TTC29: variants seen among roughly 807,000 people sequenced by gnomAD.
TTC29 encodes tetratricopeptide repeat domain 29.
TTC29 carries 49 observed loss-of-function variants against 58.1 expected under a neutral mutation model. The observed-to-expected ratio is 0.84, with a 90% CI of 0.67 to 1.07. The LOEUF (loss-of-function observed/expected upper bound fraction) is 1.07, where lower values mean the gene tolerates loss of function less well. Among genes scored for constraint, TTC29 ranks in the 50% least tolerant of loss-of-function variants. The probability of loss-of-function intolerance (pLI) is 0.00; values close to 1 mark genes in which losing one functional copy is unlikely to be tolerated. For missense variants in TTC29, 582 were observed against 555.6 expected, an observed-to-expected ratio of 1.05 and a Z score of -0.48; for synonymous variants, 209 against 196.8, an observed-to-expected ratio of 1.06 and a Z score of -0.52.
intron 5 of TTC29, among the ~76,000 whole-genome samples, chr4:146,904,829 G>T (rs1017038131): frequency 6.6e-6 from 1 of 152,174 alleles, no homozygotes; most frequent in African/African-American, 2.4e-5. Flanking sequence ...AAAACCAAAA[G>T]TCAGAAAAAA....
chr4:146,847,162 T>C (rs1331552697), intron 8 of TTC29, among the ~76,000 whole-genome samples: 1 of 152,212 alleles, frequency 6.6e-6, no homozygotes, highest in Non-Finnish European at 1.5e-5. Context: ...GGAAATGCGA[T>C]GCCTGCCAAG....
At chr4:146,765,482 C>T (rs373007888) in intron 11 of TTC29, among the ~76,000 whole-genome samples, 12 of 152,164 alleles carry the variant, frequency 7.9e-5, no homozygotes, top group Non-Finnish European at 1.3e-4. Context: ...ATTACAGGCA[C>T]GAGCCAACGC....
At chr4:146,858,382 G>T (rs1730007413) in intron 8 of TTC29, among the ~76,000 whole-genome samples, 1 of 152,056 alleles carries the variant, frequency 6.6e-6, no homozygotes, top group Admixed American at 6.6e-5. Flanking sequence ...TCACATATTT[G>T]GCCACTTATA....
chr4:146,941,405 C>G (rs1359156775), intron 2 of TTC29, among the ~76,000 whole-genome samples: 1 of 152,188 alleles, frequency 6.6e-6, no homozygotes, highest in African/African-American at 2.4e-5. Flanking sequence ...AGGCACTGTT[C>G]TAGGTGCCAA....
At chr4:146,822,139 A>T (rs1166955882) in intron 9 of TTC29, among the ~76,000 whole-genome samples, 2 of 148,566 alleles carry the variant, frequency 1.3e-5, no homozygotes, top group Non-Finnish European at 1.5e-5. Flanking sequence ...AAAAAAAGGG[A>T]TACATGTGTA....
intron 11 of TTC29, among the ~76,000 whole-genome samples, chr4:146,724,990 CTGGAGTATATA>C (rs1371162029): frequency 6.6e-6 from 1 of 152,078 alleles, no homozygotes; most frequent in Admixed American, 6.5e-5. Flanking sequence ...GTCAGTGTAA[CTGGAGTATATA>C]TGGGCATAGA....
chr4:146,882,719 G>A (rs746952270), intron 6 of TTC29, among the ~76,000 whole-genome samples: 11 of 152,170 alleles, frequency 7.2e-5, no homozygotes, highest in Non-Finnish European at 1.0e-4. Context: ...CATCTATGCC[G>A]AAGTATCAGT....
chr4:146,779,686 T>C (rs1748440449), intron 11 of TTC29, among the ~76,000 whole-genome samples: 1 of 152,158 alleles, frequency 6.6e-6, no homozygotes, highest in Admixed American at 6.6e-5. Flanking sequence ...TCTGGCTGAG[T>C]CTGGGCACCA....
At chr4:146,881,620 C>T (rs1389991740) in intron 6 of TTC29, among the ~76,000 whole-genome samples, 1 of 152,040 alleles carries the variant, frequency 6.6e-6, no homozygotes, top group Non-Finnish European at 1.5e-5. Flanking sequence ...TCCATTTTGG[C>T]TTAACTGCAT....
chr4:146,919,488 A>G (rs1404218710), intron 4 of TTC29, among the ~76,000 whole-genome samples: 1 of 151,038 alleles, frequency 6.6e-6, no homozygotes. Flanking sequence ...AGGACTACAA[A>G]GAGTGGACTA....
chr4:146,874,465 T>C (rs1055370650), intron 7 of TTC29, among the ~76,000 whole-genome samples: 1 of 152,174 alleles, frequency 6.6e-6, no homozygotes, highest in Non-Finnish European at 1.5e-5. Flanking sequence ...TTTAGGTTCT[T>C]TGTTTTACAA....
intron 8 of TTC29, among the ~76,000 whole-genome samples, chr4:146,864,642 G>A (rs1368759772): frequency 6.6e-6 from 1 of 152,152 alleles, no homozygotes; most frequent in Non-Finnish European, 1.5e-5. Flanking sequence ...GGCTGTAGGA[G>A]AGGATCCTTC....
chr4:146,868,287 G>T (rs1730697680), intron 7 of TTC29, among the ~76,000 whole-genome samples: 1 of 151,972 alleles, frequency 6.6e-6, no homozygotes, highest in Admixed American at 6.6e-5. Flanking sequence ...ACGAGTTAAT[G>T]GGTGCAGCAC....
At chr4:146,855,304 A>G (rs6857917) in intron 8 of TTC29, among the ~76,000 whole-genome samples, 54,197 of 152,008 alleles carry the variant, frequency 0.36, 10,392 homozygotes, top group African/African-American at 0.5. Flanking sequence ...ATGGTGGTGC[A>G]CGCCTGTAAT....
intron 4 of TTC29, among the ~76,000 whole-genome samples, chr4:146,909,627 T>C (rs1294608389): frequency 6.6e-6 from 1 of 152,158 alleles, no homozygotes; most frequent in Admixed American, 6.6e-5. Flanking sequence ...CCATTTAATA[T>C]CAAAACAATA....
intron 8 of TTC29, among the ~76,000 whole-genome samples, chr4:146,843,205 T>G (rs1728956994): frequency 6.6e-6 from 1 of 152,162 alleles, no homozygotes; most frequent in African/African-American, 2.4e-5. Context: ...TTAAAGGCTC[T>G]TACATACTTT....
intron 11 of TTC29, among the ~76,000 whole-genome samples, chr4:146,719,672 C>A (rs1015946525): frequency 6.6e-6 from 1 of 152,072 alleles, no homozygotes; most frequent in Non-Finnish European, 1.5e-5. Context: ...GTCACATACT[C>A]CAGGGATCTT....
At chr4:146,795,581 G>A (rs778436567) in intron 11 of TTC29, among the ~76,000 whole-genome samples, 9 of 152,112 alleles carry the variant, frequency 5.9e-5, no homozygotes, top group Non-Finnish European at 8.8e-5. Flanking sequence ...AGGGAAGACA[G>A]AGTAAAACAA....
At chr4:146,728,742 C>G (rs565127073) in intron 11 of TTC29, among the ~76,000 whole-genome samples, 15 of 134,326 alleles carry the variant, frequency 1.1e-4, no homozygotes, top group African/African-American at 1.3e-4. Context: ...GTGTGTATAA[C>G]TGTCCAGAGG....
Sources: gnomAD v4.1 joint callset for allele counts (sites outside exome capture counted in the v4.1 genomes callset) on GRCh38, gnomAD v4.1.1 for gene constraint, MANE v1.5 for transcripts, NCBI Gene and HGNC (gene_info 2026-07-23, HGNC 2026-07-21) for gene names.